SEPTIN6: variants seen among roughly 807,000 people sequenced by gnomAD.
SEPTIN6 encodes the protein septin 6.
A neutral mutation model predicts 33.6 loss-of-function variants in SEPTIN6; 8 were observed. That is an observed-to-expected ratio of 0.24 (90% confidence interval 0.14 to 0.43). The LOEUF is 0.43. Among genes scored for constraint, SEPTIN6 ranks in the 20% least tolerant of loss-of-function variants. The pLI is 1.00. For synonymous variants in SEPTIN6, 131 were observed against 140.0 expected (o/e 0.94, Z 0.45); for missense variants, 250 against 340.8 (o/e 0.73, Z 2.10).
intron 10 of SEPTIN6, among the ~76,000 whole-genome samples, chrX:119,621,179 C>T (rs1042855892): frequency 4.5e-5 from 5 of 110,005 alleles, no homozygotes; most frequent in Non-Finnish European, 9.5e-5. Flanking sequence ...TACTCTGGGG[C>T]AAGACCTGTT....
At chrX:119,691,174 G>A (rs1422716373) in intron 1 of SEPTIN6, among the ~76,000 whole-genome samples, 2 of 111,519 alleles carry the variant, frequency 1.8e-5, no homozygotes, top group Non-Finnish European at 3.8e-5. Context: ...CAGAACAAAG[G>A]GCATCTCTAG....
chrX:119,679,490 A>C (rs1465063111), intron 1 of SEPTIN6, among the ~76,000 whole-genome samples: 1 of 111,641 alleles, frequency 9.0e-6, no homozygotes, highest in Non-Finnish European at 1.9e-5. Flanking sequence ...CACTGTGACA[A>C]TAAATGCTGG....
chrX:119,627,646 G>C (rs909595732), intron 9 of SEPTIN6, among the ~76,000 whole-genome samples: 1 of 110,382 alleles, frequency 9.1e-6, no homozygotes, highest in Non-Finnish European at 1.9e-5. Flanking sequence ...GTTGGCTGCA[G>C]AGAGTAATAA....
At chrX:119,684,345 A>C (rs762049125) in intron 1 of SEPTIN6, among the ~76,000 whole-genome samples, 1 of 111,473 alleles carries the variant, frequency 9.0e-6, no homozygotes, top group African/African-American at 3.3e-5. Flanking sequence ...GTCAAATCAT[A>C]TATCCTGAAA....
At chrX:119,690,348 TAC>T (rs1196119691) in intron 1 of SEPTIN6, among the ~76,000 whole-genome samples, 6,444 of 74,654 alleles carry the variant, frequency 0.086, 199 homozygotes, top group African/African-American at 0.15. Flanking sequence ...TACATACACA[TAC>T]ACACACACAC....
At chrX:119,640,168 C>CTTTTTTTTTTTTTTTT (rs57021804) in intron 6 of SEPTIN6, among the ~76,000 whole-genome samples, 1 of 20,180 alleles carries the variant, frequency 5.0e-5, no homozygotes, top group Non-Finnish European at 8.3e-5. Context: ...ACTATCCAGT[C>CTTTTTTTTTTTTTTTT]TTTTTTTTTT....
chrX:119,642,369 A>G (rs2054171678), intron 5 of SEPTIN6, among the ~76,000 whole-genome samples: 2 of 110,595 alleles, frequency 1.8e-5, no homozygotes, highest in South Asian at 3.9e-4. Context: ...GCTGCTTTAC[A>G]TGGCATTGTC....
chrX:119,666,171 T>C (rs1211250356), intron 2 of SEPTIN6, among the ~76,000 whole-genome samples: 1 of 111,506 alleles, frequency 9.0e-6, no homozygotes, highest in Non-Finnish European at 1.9e-5. Flanking sequence ...AGACAAAGAC[T>C]ACTCTCCCAT....
intron 3 of SEPTIN6, among the ~76,000 whole-genome samples, chrX:119,658,636 A>G (rs1046668359): frequency 7.1e-5 from 8 of 112,398 alleles, no homozygotes; most frequent in East Asian, 2.8e-4. Flanking sequence ...CAAGAAGTCT[A>G]TATCAATTTA....
At chrX:119,674,779 A>G (rs1297074686) in intron 2 of SEPTIN6, among the ~76,000 whole-genome samples, 1 of 112,390 alleles carries the variant, frequency 8.9e-6, no homozygotes, top group Non-Finnish European at 1.9e-5. Flanking sequence ...CTAATGTGAG[A>G]AAGTGAAAAG....
chrX:119,621,640 C>T (rs1443926992), intron 10 of SEPTIN6, among the ~76,000 whole-genome samples: 16 of 108,501 alleles, frequency 1.5e-4, no homozygotes, highest in African/African-American at 3.0e-4. Flanking sequence ...TATAGGCACC[C>T]GCCACCATGC....
At chrX:119,654,745 G>A (rs1366683678) in intron 3 of SEPTIN6, among the ~76,000 whole-genome samples, 1 of 111,226 alleles carries the variant, frequency 9.0e-6, no homozygotes, top group Non-Finnish European at 1.9e-5. Context: ...GGGCAGGAGT[G>A]CAGTGGTGCG....
chrX:119,637,299 T>C, intron 6 of SEPTIN6, 104 bp from the exon 7 acceptor site: 1 of 698,297 alleles, frequency 1.4e-6, no homozygotes, highest in Non-Finnish European at 2.2e-6. Context: ...GACGTTGCCT[T>C]GCAATCTGTG....
chrX:119,666,081 C>CA (rs139368086), intron 2 of SEPTIN6, among the ~76,000 whole-genome samples: 17,934 of 72,955 alleles, frequency 0.25, 1,683 homozygotes, highest in East Asian at 0.41. Flanking sequence ...GACTCCATCT[C>CA]AAAAAAAAAA....
chrX:119,691,374 G>A (rs1410743719), intron 1 of SEPTIN6, among the ~76,000 whole-genome samples: 1 of 112,199 alleles, frequency 8.9e-6, no homozygotes, highest in Non-Finnish European at 1.9e-5. Context: ...TGTAATCCCA[G>A]AGATTAATTC....
intron 3 of SEPTIN6, among the ~76,000 whole-genome samples, chrX:119,659,458 G>A (rs952664772): frequency 2.7e-5 from 3 of 111,786 alleles, no homozygotes; most frequent in African/African-American, 9.7e-5. Flanking sequence ...ATATTTTGCA[G>A]TTCTCGTCTT....
intron 6 of SEPTIN6, among the ~76,000 whole-genome samples, chrX:119,637,699 A>ATCC (rs2054092994): frequency 1.8e-5 from 2 of 111,433 alleles, no homozygotes; most frequent in Non-Finnish European, 3.8e-5. Flanking sequence ...CCATCCATCC[A>ATCC]ATCAATATTT....
intron 5 of SEPTIN6, among the ~76,000 whole-genome samples, chrX:119,646,584 C>A (rs5909648): frequency 0.1 from 11,095 of 111,216 alleles, 498 homozygotes; most frequent in South Asian, 0.17. Flanking sequence ...CCTCAATCTA[C>A]AATAAGGTTT....
chrX:119,685,100 A>C (rs2055034322), intron 1 of SEPTIN6, among the ~76,000 whole-genome samples: 2 of 112,261 alleles, frequency 1.8e-5, no homozygotes, highest in African/African-American at 3.2e-5. Flanking sequence ...AACTGATTTT[A>C]ATACACAAGA....
Sources: gnomAD v4.1 joint callset for allele counts (sites outside exome capture counted in the v4.1 genomes callset) on GRCh38, gnomAD v4.1.1 for gene constraint, MANE v1.5 for transcripts, NCBI Gene and HGNC (gene_info 2026-07-23, HGNC 2026-07-21) for gene names.